Variants in FOXP1 observed in about 807,000 individuals in gnomAD.
The protein encoded by FOXP1 is forkhead box protein P1.
In FOXP1, 15 loss-of-function variants were observed where a neutral mutation model predicts 98.2. That is an observed-to-expected ratio of 0.15 (90% CI 0.10 to 0.24). The LOEUF (loss-of-function observed/expected upper bound fraction) is 0.24, where lower values mean the gene tolerates loss of function less well. Among genes scored for constraint, FOXP1 ranks in the 10% least tolerant of loss-of-function variants. The pLI is 1.00. For missense variants in FOXP1, 633 were observed against 848.5 expected (o/e 0.75, Z 3.15); for synonymous variants, 371 against 314.5 (o/e 1.18, Z -1.90).
intron 7 of FOXP1, among the ~76,000 whole-genome samples, chr3:71,093,785 C>T (rs375941547): frequency 1.3e-5 from 2 of 151,784 alleles, no homozygotes; most frequent in East Asian, 2.0e-4. Context: ...GTCATTTACA[C>T]CAAACTTTAA....
At chr3:71,363,926 T>C (rs1288685) in intron 3 of FOXP1, among the ~76,000 whole-genome samples, 121,722 of 151,998 alleles carry the variant, frequency 0.8, 49,163 homozygotes, top group Admixed American at 0.88. Flanking sequence ...CAGTAGAGAA[T>C]GCCTAGTTCC....
intron 3 of FOXP1, among the ~76,000 whole-genome samples, chr3:71,452,792 C>T (rs2087082009): frequency 6.6e-6 from 1 of 152,162 alleles, no homozygotes; most frequent in Non-Finnish European, 1.5e-5. Context: ...ATGAATTCCA[C>T]ACACTGGCCT....
At chr3:71,351,133 C>T (rs1419253953) in intron 4 of FOXP1, among the ~76,000 whole-genome samples, 1 of 152,130 alleles carries the variant, frequency 6.6e-6, no homozygotes, top group Non-Finnish European at 1.5e-5. Context: ...GGTTATCCTG[C>T]CACAAACAGG....
At chr3:71,304,217 GC>G (rs1323316622) in intron 4 of FOXP1, among the ~76,000 whole-genome samples, 2 of 152,126 alleles carry the variant, frequency 1.3e-5, no homozygotes, top group Admixed American at 1.3e-4. Flanking sequence ...CAGGCTGGCA[GC>G]CCCCCACTCA....
At chr3:70,973,641 C>G (rs1424787241) in intron 17 of FOXP1, among the ~76,000 whole-genome samples, 1 of 152,108 alleles carries the variant, frequency 6.6e-6, no homozygotes, top group Non-Finnish European at 1.5e-5. Flanking sequence ...CGGATCCAGA[C>G]TCAACGCTGG....
At chr3:71,101,165 G>A (rs902408344) in intron 7 of FOXP1, among the ~76,000 whole-genome samples, 1 of 152,168 alleles carries the variant, frequency 6.6e-6, no homozygotes, top group African/African-American at 2.4e-5. Context: ...ACATGCTGAG[G>A]ATGAAGGAAA....
At chr3:71,112,773 A>C (rs1210333484) in intron 6 of FOXP1, 136 bp from the exon 7 acceptor site, 1 of 694,022 alleles carries the variant, frequency 1.4e-6, no homozygotes, top group African/African-American at 1.8e-5. Context: ...ACAGCAAATG[A>C]AACTTCCCAC....
chr3:71,389,254 C>CGGGGGGGGGGGGG (rs1560413261), intron 3 of FOXP1, among the ~76,000 whole-genome samples: 1 of 6,062 alleles, frequency 1.6e-4, no homozygotes. Context: ...GGGGGGGGGC[C>CGGGGGGGGGGGGG]GGGGGGGGCG....
chr3:70,994,731 G>A (rs768674289), intron 13 of FOXP1, among the ~76,000 whole-genome samples: 1 of 152,114 alleles, frequency 6.6e-6, no homozygotes. Flanking sequence ...CTCCACCCCC[G>A]TCGCCTGCCA....
chr3:70,959,792 C>T (rs1575654593), intron 20 of FOXP1, among the ~76,000 whole-genome samples: 1 of 152,252 alleles, frequency 6.6e-6, no homozygotes, highest in African/African-American at 2.4e-5. Context: ...ACCTGTGGGC[C>T]TTGTTGAAAT....
At chr3:71,059,476 G>A (rs180891762) in intron 7 of FOXP1, among the ~76,000 whole-genome samples, 1 of 152,250 alleles carries the variant, frequency 6.6e-6, no homozygotes, top group Non-Finnish European at 1.5e-5. Flanking sequence ...GCATAAAAAT[G>A]TAAAGTTTAC....
chr3:71,497,355 T>G (rs1348725973), intron 2 of FOXP1, among the ~76,000 whole-genome samples: 1 of 152,184 alleles, frequency 6.6e-6, no homozygotes, highest in Non-Finnish European at 1.5e-5. Flanking sequence ...GGAGAAAGTT[T>G]TTTGATTTAA....
chr3:70,972,720 A>G (rs200078274), intron 17 of FOXP1, 44 bp from the exon 18 acceptor site: 45 of 1,602,654 alleles, frequency 2.8e-5, no homozygotes, highest in Non-Finnish European at 3.8e-5. Context: ...TTTCTATAAG[A>G]AAAGACTCCA....
intron 2 of FOXP1, among the ~76,000 whole-genome samples, chr3:71,556,576 CAAAAAAAA>C (rs757217111): frequency 3.4e-5 from 1 of 29,818 alleles, no homozygotes; most frequent in Non-Finnish European, 6.2e-5. Context: ...GACTCCGTCT[CAAAAAAAA>C]AAAAAAAAAA....
chr3:70,973,842 C>CA (rs1305481482), intron 17 of FOXP1, among the ~76,000 whole-genome samples: 7 of 103,780 alleles, frequency 6.7e-5, no homozygotes, highest in African/African-American at 1.4e-4. Flanking sequence ...ACCGCCCCCC[C>CA]CCCCCCACCC....
At chr3:71,458,825 T>A (rs1203360551) in intron 3 of FOXP1, among the ~76,000 whole-genome samples, 1 of 152,164 alleles carries the variant, frequency 6.6e-6, no homozygotes, top group Admixed American at 6.5e-5. Context: ...GAAAATGGGA[T>A]TTGGGCACCG....
chr3:71,489,661 C>T (rs1265109461), intron 3 of FOXP1, among the ~76,000 whole-genome samples: 1 of 152,196 alleles, frequency 6.6e-6, no homozygotes, highest in Non-Finnish European at 1.5e-5. Flanking sequence ...AACTCTGACT[C>T]CTTCCTGGTG....
intron 5 of FOXP1, among the ~76,000 whole-genome samples, chr3:71,248,857 T>C (rs1383994316): frequency 6.6e-6 from 1 of 152,080 alleles, no homozygotes; most frequent in Non-Finnish European, 1.5e-5. Flanking sequence ...ATTAGGGGAA[T>C]GGCCAGCTGG....
chr3:71,199,297 G>T lies in FOXP1; in HGVS notation c.-11-905C>A, dbSNP rs560395921. Among the ~76,000 whole-genome samples the T allele has an allele frequency of 1.4e-3, 211 of 151,790 alleles. 4 individuals are homozygous for T. Among genetic ancestry groups the T allele is most frequent in the Non-Finnish European group, 2.6e-4 (18 of 67,934 alleles). ...TTTTTGTATTTTTAGTAGAGACAGGGTTTCACCATATTGGCCAGGCTGGTT... is the reference window on the plus strand; with the variant it reads ...TTTTTGTATTTTTAGTAGAGACAGGTTTTCACCATATTGGCCAGGCTGGTT... On this transcript the variant is annotated intron_variant, in intron 5 of 20. Transcript: ENST00000649528.
Sources: allele counts gnomAD v4.1 joint callset (sites outside exome capture counted in the v4.1 genomes callset), GRCh38; gene constraint gnomAD v4.1.1; transcripts MANE v1.5; gene names NCBI Gene and HGNC (gene_info 2026-07-23, HGNC 2026-07-21).